The following RABGAP1L variants were observed in gnomAD, a reference collection of about 807,000 sequenced individuals.
The protein encoded by RABGAP1L is RAB GTPase activating protein 1 like.
RABGAP1L carries 63 observed loss-of-function variants against 137.7 expected under a neutral mutation model. That is an observed-to-expected ratio of 0.46 (90% CI 0.37 to 0.56). The LOEUF is 0.56. Ranked by LOEUF, RABGAP1L falls within the 20% of genes least tolerant of loss-of-function variation. RABGAP1L has a pLI of 0.00. For missense variants in RABGAP1L, 1,095 were observed against 1,244.0 expected, an observed-to-expected ratio of 0.88 and a Z score of 1.80; for synonymous variants, 431 against 433.7, an observed-to-expected ratio of 0.99 and a Z score of 0.08.
At position 174,640,986 on chromosome 1, in the gene RABGAP1L, A is replaced by T. The variant is rs1417334813; in HGVS notation, c.1824+3498A>T. Among the ~76,000 whole-genome samples the T allele has an allele frequency of 2.1e-5, 3 of 145,800 alleles. No homozygotes were observed. In the East Asian group the frequency reaches 5.9e-4, roughly 29 times the overall value. ...TATTTAATTATATTAATTAAATATA[A>T]TTTTAGATTATATTAATTAAATATA... On this transcript the variant is annotated intron_variant, in intron 14 of 25. Coordinates refer to ENST00000681986, the MANE Select transcript of RABGAP1L (RefSeq NM_001366446.1).
chr1:174,965,069 A>C (rs939342301), intron 20 of RABGAP1L: 1 of 988,902 alleles, frequency 1.0e-6, no homozygotes, highest in African/African-American at 1.7e-5. Flanking sequence ...CCCAAAAGTT[A>C]CTAACCAAAC....
At chr1:174,282,172 G>A (rs1675630729) in intron 10 of RABGAP1L, among the ~76,000 whole-genome samples, 1 of 152,188 alleles carries the variant, frequency 6.6e-6, no homozygotes, top group South Asian at 2.1e-4. Flanking sequence ...TTGATACCAA[G>A]AAATGGAATT....
chr1:174,485,458 T>TAATA (rs1370701188), intron 13 of RABGAP1L, among the ~76,000 whole-genome samples: 2 of 152,212 alleles, frequency 1.3e-5, no homozygotes, highest in African/African-American at 4.8e-5. Context: ...CAGTTCAGTA[T>TAATA]AATACTAGTT....
At chr1:174,429,048 G>C (rs1046181223) in intron 13 of RABGAP1L, among the ~76,000 whole-genome samples, 1 of 152,032 alleles carries the variant, frequency 6.6e-6, no homozygotes, top group South Asian at 2.1e-4. Context: ...TCTTTTTCTG[G>C]TGCTTTTTCA....
intron 11 of RABGAP1L, among the ~76,000 whole-genome samples, chr1:174,331,052 A>G (rs1680985741): frequency 6.6e-6 from 1 of 152,214 alleles, no homozygotes; most frequent in African/African-American, 2.4e-5. Flanking sequence ...CAGCCAACTG[A>G]TGTTTATGAA....
At chr1:174,510,496 A>G (rs1572109641) in intron 13 of RABGAP1L, among the ~76,000 whole-genome samples, 1 of 152,156 alleles carries the variant, frequency 6.6e-6, no homozygotes, top group Non-Finnish European at 1.5e-5. Context: ...GTATCTTCTC[A>G]GTAAGTTTTC....
chr1:174,229,713 G>A (rs1404942214), intron 3 of RABGAP1L, among the ~76,000 whole-genome samples: 3 of 152,130 alleles, frequency 2.0e-5, no homozygotes, highest in Non-Finnish European at 4.4e-5. Context: ...TGTGAATAGT[G>A]CCGCTATAAA....
intron 3 of RABGAP1L, among the ~76,000 whole-genome samples, chr1:174,225,099 T>G (rs1455670986): frequency 6.6e-6 from 1 of 152,140 alleles, no homozygotes; most frequent in Non-Finnish European, 1.5e-5. Flanking sequence ...TTCCATACCG[T>G]TCTCACAATT....
intron 13 of RABGAP1L, among the ~76,000 whole-genome samples, chr1:174,571,302 G>A (rs1459330129): frequency 6.6e-6 from 1 of 152,104 alleles, no homozygotes; most frequent in African/African-American, 2.4e-5. Context: ...GGTTGCAGGG[G>A]AGGAGGGATG....
At chr1:174,808,160 TG>T (rs1558100205) in intron 18 of RABGAP1L, among the ~76,000 whole-genome samples, 1 of 151,338 alleles carries the variant, frequency 6.6e-6, no homozygotes, top group African/African-American at 2.4e-5. Context: ...AAATTTTTTT[TG>T]TATTTTTAGT....
At chr1:174,717,766 G>T (rs1018964674) in intron 17 of RABGAP1L, among the ~76,000 whole-genome samples, 2 of 152,014 alleles carry the variant, frequency 1.3e-5, no homozygotes, top group African/African-American at 2.4e-5. Flanking sequence ...GTGGTGAACC[G>T]CATGATAACT....
intron 17 of RABGAP1L, among the ~76,000 whole-genome samples, chr1:174,724,060 G>T (rs1178262955): frequency 6.6e-6 from 1 of 152,188 alleles, no homozygotes; most frequent in Non-Finnish European, 1.5e-5. Context: ...TCTAGCACTT[G>T]TGCTTTTTAT....
At chr1:174,424,300 C>G (rs1436688125) in intron 13 of RABGAP1L, among the ~76,000 whole-genome samples, 1 of 152,002 alleles carries the variant, frequency 6.6e-6, no homozygotes, top group South Asian at 2.1e-4. Flanking sequence ...GTGCCTTTAG[C>G]TTAAGTAGAG....
At chr1:174,411,008 G>A (rs909562170) in intron 13 of RABGAP1L, among the ~76,000 whole-genome samples, 13 of 152,156 alleles carry the variant, frequency 8.5e-5, no homozygotes, top group African/African-American at 3.1e-4. Flanking sequence ...GTGGCTAATT[G>A]TGGGATTGTG....
chr1:174,523,537 C>A (rs1036106977), intron 13 of RABGAP1L, among the ~76,000 whole-genome samples: 4 of 152,062 alleles, frequency 2.6e-5, no homozygotes, highest in Admixed American at 2.6e-4. Flanking sequence ...TTATGGGGTA[C>A]ATGTAAGTAT....
intron 19 of RABGAP1L, chr1:174,877,701 C>A: frequency 7.9e-7 from 1 of 1,273,648 alleles, no homozygotes; most frequent in Non-Finnish European, 1.1e-6. Context: ...TTGCTGTTGG[C>A]TTTGTGTTAT....
intron 18 of RABGAP1L, among the ~76,000 whole-genome samples, chr1:174,802,483 T>G (rs1338099988): frequency 6.6e-6 from 1 of 152,194 alleles, no homozygotes; most frequent in Non-Finnish European, 1.5e-5. Context: ...GGCACGTGCC[T>G]TTAATCCCAG....
At chr1:174,457,701 C>A (rs180917589) in intron 13 of RABGAP1L, among the ~76,000 whole-genome samples, 8 of 152,090 alleles carry the variant, frequency 5.3e-5, no homozygotes, top group Non-Finnish European at 4.4e-5. Context: ...CAGGGTTTGA[C>A]CATGTTGGCC....
chr1:174,759,818 T>A (rs909873882), intron 18 of RABGAP1L, among the ~76,000 whole-genome samples: 5 of 152,078 alleles, frequency 3.3e-5, no homozygotes, highest in Non-Finnish European at 7.4e-5. Flanking sequence ...GTGAACTCAC[T>A]GAGTGAGAAC....
Sources: gnomAD v4.1 joint callset for allele counts (sites outside exome capture counted in the v4.1 genomes callset) on GRCh38, gnomAD v4.1.1 for gene constraint, MANE v1.5 for transcripts, NCBI Gene and HGNC (gene_info 2026-07-23, HGNC 2026-07-21) for gene names.